CNTNAP2: variants seen among roughly 807,000 people sequenced by gnomAD.
CNTNAP2 encodes the protein contactin associated protein 2, also known as contactin-associated protein-like 2.
In CNTNAP2, 98 loss-of-function variants were observed where a neutral mutation model predicts 155.2. The observed-to-expected ratio is 0.63, with a 90% CI of 0.54 to 0.75. The LOEUF is 0.75. Among genes scored for constraint, CNTNAP2 ranks in the 30% least tolerant of loss-of-function variants. The pLI is 0.00. For missense variants in CNTNAP2, 1,727 were observed against 1,688.1 expected (o/e 1.02, Z -0.40); for synonymous variants, 651 against 631.2 (o/e 1.03, Z -0.47).
chr7:148,307,022 A>G (rs1183744958), intron 21 of CNTNAP2, among the ~76,000 whole-genome samples: 2 of 152,118 alleles, frequency 1.3e-5, no homozygotes, highest in Non-Finnish European at 2.9e-5. Flanking sequence ...GCTGATTGAA[A>G]GCTCCAGAGA....
chr7:147,076,955 C>A (rs17170314), intron 4 of CNTNAP2, among the ~76,000 whole-genome samples: 12,477 of 152,122 alleles, frequency 0.082, 1,375 homozygotes, highest in African/African-American at 0.25. Flanking sequence ...CCTCAGCTGG[C>A]AAATAAGGAA....
chr7:146,970,762 G>A (rs1299487617), intron 3 of CNTNAP2, among the ~76,000 whole-genome samples: 8 of 152,128 alleles, frequency 5.3e-5, no homozygotes, highest in Non-Finnish European at 4.4e-5. Flanking sequence ...ACATGCACAC[G>A]TATGTTTATT....
At chr7:146,314,030 G>A (rs2129091233) in intron 1 of CNTNAP2, among the ~76,000 whole-genome samples, 1 of 151,926 alleles carries the variant, frequency 6.6e-6, no homozygotes, top group African/African-American at 2.4e-5. Context: ...TATATAAATT[G>A]ATATTTGTAT....
At chr7:147,946,357 C>T (rs895158107) in intron 14 of CNTNAP2, among the ~76,000 whole-genome samples, 2 of 151,720 alleles carry the variant, frequency 1.3e-5, no homozygotes, top group Admixed American at 1.3e-4. Context: ...TAAGTGAAAA[C>T]CCAAGGGACA....
intron 23 of CNTNAP2, among the ~76,000 whole-genome samples, chr7:148,410,565 CAAAAAA>C (rs56258191): frequency 1.8e-4 from 20 of 112,850 alleles, no homozygotes; most frequent in East Asian, 2.8e-4. Flanking sequence ...AGACCTTTCT[CAAAAAA>C]AAAAAAAAAA....
intron 14 of CNTNAP2, among the ~76,000 whole-genome samples, chr7:147,949,128 G>T (rs1326251281): frequency 6.6e-6 from 1 of 151,848 alleles, no homozygotes; most frequent in Non-Finnish European, 1.5e-5. Context: ...TTGAACCCAA[G>T]AGGCGGAGGT....
chr7:148,149,259 A>G (rs1241976587), intron 17 of CNTNAP2, among the ~76,000 whole-genome samples: 1 of 152,184 alleles, frequency 6.6e-6, no homozygotes. Flanking sequence ...GTAAGGTTGT[A>G]AAATGAAGAG....
At chr7:147,025,452 GA>G (rs1358723821) in intron 3 of CNTNAP2, among the ~76,000 whole-genome samples, 1 of 17,798 alleles carries the variant, frequency 5.6e-5, no homozygotes. Context: ...GGGAGGGGAG[GA>G]GGGGGAGGGG....
intron 10 of CNTNAP2, among the ~76,000 whole-genome samples, chr7:147,466,678 A>G (rs1798125897): frequency 6.6e-6 from 1 of 152,318 alleles, no homozygotes; most frequent in African/African-American, 2.4e-5. Context: ...GCACTTTGGG[A>G]GGCCAAGGTG....
chr7:147,611,780 A>G (rs2116877986), intron 12 of CNTNAP2, among the ~76,000 whole-genome samples: 1 of 152,318 alleles, frequency 6.6e-6, no homozygotes, highest in Middle Eastern at 3.4e-3. Context: ...AAAGCTGCTG[A>G]TGCTACCTGA....
rs66584239 is a variant in CNTNAP2, at chr7:147,929,092, C to CAAAAAA, written c.2255+25393_2255+25398dup. On this transcript the variant is annotated intron_variant, in intron 14 of 23. Coordinates refer to ENST00000361727, the MANE Select transcript of CNTNAP2 (RefSeq NM_014141.6). Reference sequence around the variant, plus strand: ...GGGCAACAAGAACGAAACTCCATCCCAAAAAAAAAAAAAAAAAAAAAAAAA... The same window carrying CAAAAAA: ...GGGCAACAAGAACGAAACTCCATCCCAAAAAAAAAAAAAAAAAAAAAAAAAAAAAAA... 8.3e-3 allele frequency among the ~76,000 whole-genome samples: 286 copies of CAAAAAA among 34,594 alleles called. 17 individuals are homozygous for CAAAAAA. Among genetic ancestry groups the CAAAAAA allele is most frequent in the East Asian group, 0.056 (49 of 876 alleles). The allele number at this position is 34,594 out of a possible 152,430, so 22.7% of individuals were successfully genotyped here.
intron 9 of CNTNAP2, among the ~76,000 whole-genome samples, chr7:147,344,423 G>GAA (rs138106557): frequency 0.23 from 34,573 of 151,208 alleles, 4,315 homozygotes; most frequent in Non-Finnish European, 0.28. Context: ...GTAACACTAG[G>GAA]AAAAAAAAAT....
At chr7:146,204,179 A>T (rs1390204869) in intron 1 of CNTNAP2, among the ~76,000 whole-genome samples, 1 of 152,120 alleles carries the variant, frequency 6.6e-6, no homozygotes, top group Non-Finnish European at 1.5e-5. Context: ...TATCTATTCT[A>T]AGATTAATTG....
intron 1 of CNTNAP2, among the ~76,000 whole-genome samples, chr7:146,525,485 T>A (rs776177930): frequency 3.3e-5 from 5 of 152,140 alleles, no homozygotes; most frequent in Non-Finnish European, 7.4e-5. Context: ...AATGAAATGG[T>A]AGTAAAAGAG....
intron 8 of CNTNAP2, among the ~76,000 whole-genome samples, chr7:147,174,755 G>C (rs1456452793): frequency 1.2e-4 from 18 of 152,050 alleles, no homozygotes; most frequent in Non-Finnish European, 7.4e-5. Context: ...TACATCAAGA[G>C]AGAATATGAT....
At position 147,035,219 on chromosome 7, in the gene CNTNAP2, A is replaced by G. The variant is rs116851739; in HGVS notation, c.403-8688A>G. On this transcript the variant is annotated intron_variant, in intron 3 of 23. Coordinates refer to ENST00000361727, the MANE Select transcript of CNTNAP2 (RefSeq NM_014141.6). ...CTGAGCTGAGTCCTACAAGATGTGG[A>G]AGGCCAGCCAGATGAAACTAATGAG... Among the ~76,000 whole-genome samples, 1,080 of 152,296 alleles carry G rather than the reference A, an allele frequency of 7.1e-3. 3 individuals are homozygous for G. The highest frequency in any genetic ancestry group is 0.01 in the Non-Finnish European group (691 of 68,026).
chr7:147,339,996 G>A (rs931930722), intron 9 of CNTNAP2, among the ~76,000 whole-genome samples: 2 of 152,254 alleles, frequency 1.3e-5, no homozygotes, highest in Middle Eastern at 3.4e-3. Flanking sequence ...GACTTTTCAT[G>A]TCCAGCTAAT....
intron 4 of CNTNAP2, among the ~76,000 whole-genome samples, chr7:147,056,905 G>A (rs929196205): frequency 6.6e-6 from 1 of 151,880 alleles, no homozygotes; most frequent in African/African-American, 2.4e-5. Flanking sequence ...GAAGCAACTG[G>A]GACTACAGGT....
chr7:146,587,271 C>A (rs1383868682), intron 1 of CNTNAP2, among the ~76,000 whole-genome samples: 3 of 152,100 alleles, frequency 2.0e-5, no homozygotes, highest in African/African-American at 2.4e-5. Context: ...TAATTATTAG[C>A]TGTACATATT....
Sources: gnomAD v4.1 joint callset for allele counts (sites outside exome capture counted in the v4.1 genomes callset) on GRCh38, gnomAD v4.1.1 for gene constraint, MANE v1.5 for transcripts, NCBI Gene and HGNC (gene_info 2026-07-23, HGNC 2026-07-21) for gene names.